ALPK1: variants seen among roughly 807,000 people sequenced by gnomAD.
The protein encoded by ALPK1 is alpha-protein kinase 1.
ALPK1 carries 110 observed loss-of-function variants against 120.6 expected under a neutral mutation model. The observed-to-expected ratio is 0.91, with a 90% confidence interval of 0.78 to 1.07. ALPK1 has a LOEUF of 1.07. Ranked by LOEUF, ALPK1 falls within the 50% of genes least tolerant of loss-of-function variation. ALPK1 has a pLI of 0.00. For missense variants in ALPK1, 1,498 were observed against 1,483.9 expected (o/e 1.01, Z -0.16); for synonymous variants, 582 against 560.3 (o/e 1.04, Z -0.55).
At chr4:112,403,502 C>A (rs1172477683) in intron 4 of ALPK1, among the ~76,000 whole-genome samples, 1 of 152,130 alleles carries the variant, frequency 6.6e-6, no homozygotes, top group Non-Finnish European at 1.5e-5. Context: ...GAGAGAGATG[C>A]GAGAGGTTTG....
intron 4 of ALPK1, among the ~76,000 whole-genome samples, chr4:112,396,860 C>G (rs1430356784): frequency 6.6e-6 from 1 of 152,094 alleles, no homozygotes; most frequent in Non-Finnish European, 1.5e-5. Context: ...TCACTGCAAC[C>G]TCCATCTCCT....
In ALPK1 at chr4:112,431,518, T is replaced by C; in HGVS notation, c.1971T>C (p.Asn657=). ...DLSLQEPNND[N]LEPSQNQPQQ... is the part of the protein sequence containing the mutation. ...CTCTTCAGGAACCCAACAATGACAATTTGGAGCCTTCTCAAAATCAGCCAC... is the reference window on the plus strand; with the variant it reads ...CTCTTCAGGAACCCAACAATGACAACTTGGAGCCTTCTCAAAATCAGCCAC... The change falls in exon 11 of 16, where the codon AAT becomes AAC. Residue 657 remains asparagine (N), a synonymous_variant. Transcript: ENST00000650871. 1 of 1,614,182 alleles carries C rather than the reference T, an allele frequency of 6.2e-7. No individual in the cohort carries two copies. Among genetic ancestry groups the C allele is most frequent in the Non-Finnish European group, 8.5e-7 (1 of 1,180,040 alleles).
intron 2 of ALPK1, among the ~76,000 whole-genome samples, chr4:112,370,442 A>G (rs1290935392): frequency 1.3e-5 from 2 of 152,202 alleles, no homozygotes; most frequent in Non-Finnish European, 2.9e-5. Context: ...TTAAAAGAGA[A>G]AAAGTAATTC....
chr4:112,382,776 C>T (rs1170736201), intron 4 of ALPK1: 4 of 562,274 alleles, frequency 7.1e-6, no homozygotes, highest in Non-Finnish European at 1.3e-5. Context: ...GAAGAGTGGT[C>T]AGTGAGTCTA....
rs1159828137 is a variant in ALPK1 at position 112,435,169 on chromosome 4, C to CA, written c.3063dup (p.Ser1022IlefsTer2). On this transcript the variant is annotated frameshift_variant, in exon 12 of 16. Coordinates refer to ENST00000650871, the MANE Select transcript of ALPK1 (RefSeq NM_025144.4). LOFTEE classifies it high-confidence loss of function. ...CCAGGTGCTCTTTTGTTAAAATATT[C>CA]AAAAAAATCTGAACTGTGGACGGCC... 7 of 1,598,538 alleles carry CA rather than the reference C, an allele frequency of 4.4e-6. No homozygotes were observed. The highest frequency in any genetic ancestry group is 1.4e-5 in the African/African-American group (1 of 73,454).
intron 5 of ALPK1, 111 bp downstream of exon 5, chr4:112,412,136 C>G: frequency 7.4e-7 from 1 of 1,350,178 alleles, no homozygotes; most frequent in Non-Finnish European, 1.0e-6. Flanking sequence ...CCCTGCGTGC[C>G]ATCTTTCCGA....
intron 5 of ALPK1, 70 bp from the exon 6 acceptor site, chr4:112,423,874 C>T: frequency 6.7e-7 from 1 of 1,487,676 alleles, no homozygotes; most frequent in Non-Finnish European, 9.4e-7. Context: ...AGTCTTAGAA[C>T]ATGAACAACT....
intron 2 of ALPK1, among the ~76,000 whole-genome samples, chr4:112,330,703 T>C (rs1729331506): frequency 6.6e-6 from 1 of 152,202 alleles, no homozygotes; most frequent in Non-Finnish European, 1.5e-5. Context: ...GCCTTATGTC[T>C]TCCAGCCGGC....
intron 2 of ALPK1, among the ~76,000 whole-genome samples, chr4:112,354,228 G>A (rs957476422): frequency 3.3e-5 from 5 of 150,760 alleles, no homozygotes; most frequent in South Asian, 4.2e-4. Flanking sequence ...TTTCCCTTAC[G>A]ATTTGCTTGT....
At chr4:112,427,295 G>GTA (rs1244966850) in intron 8 of ALPK1, among the ~76,000 whole-genome samples, 2 of 152,064 alleles carry the variant, frequency 1.3e-5, no homozygotes, top group African/African-American at 2.4e-5. Flanking sequence ...ATTACACAAT[G>GTA]TATATATATG....
At chr4:112,407,232 GCAA>G (rs1733223670) in intron 4 of ALPK1, among the ~76,000 whole-genome samples, 1 of 152,146 alleles carries the variant, frequency 6.6e-6, no homozygotes, top group African/African-American at 2.4e-5. Flanking sequence ...GATCTGTTTT[GCAA>G]CAACATGAAC....
chr4:112,414,345 G>A (rs893195653), intron 5 of ALPK1: 4 of 474,126 alleles, frequency 8.4e-6, no homozygotes, highest in African/African-American at 2.0e-5. Context: ...TATGGCTCAT[G>A]CCTGTAATCC....
At chr4:112,376,822 C>A (rs953822113) in intron 2 of ALPK1, among the ~76,000 whole-genome samples, 4 of 152,134 alleles carry the variant, frequency 2.6e-5, no homozygotes, top group Non-Finnish European at 5.9e-5. Context: ...AGCAGCTCCA[C>A]TATCTATTCT....
chr4:112,388,614 A>G (rs1732256712), intron 4 of ALPK1, among the ~76,000 whole-genome samples: 1 of 142,128 alleles, frequency 7.0e-6, no homozygotes, highest in Non-Finnish European at 1.5e-5. Flanking sequence ...AATCTTTTTC[A>G]TCAAGTTGCA....
At chr4:112,403,396 A>AT (rs1285205051) in intron 4 of ALPK1, among the ~76,000 whole-genome samples, 1 of 152,228 alleles carries the variant, frequency 6.6e-6, no homozygotes, top group East Asian at 1.9e-4. Context: ...AGTTCACAGC[A>AT]TGCTGCCGTT....
At chr4:112,398,818 C>T (rs967026046) in intron 4 of ALPK1, among the ~76,000 whole-genome samples, 5 of 151,988 alleles carry the variant, frequency 3.3e-5, no homozygotes, top group African/African-American at 4.8e-5. Flanking sequence ...AGATCTTACA[C>T]GTATTTTAGA....
At chr4:112,415,634 CA>C (rs35692183) in intron 5 of ALPK1, among the ~76,000 whole-genome samples, 301 of 126,214 alleles carry the variant, frequency 2.4e-3, no homozygotes, top group Middle Eastern at 4.0e-3. Context: ...GACTCTGTCT[CA>C]AAAAAAAAAA....
intron 2 of ALPK1, among the ~76,000 whole-genome samples, chr4:112,365,155 C>T (rs1310560308): frequency 2.0e-5 from 3 of 152,066 alleles, no homozygotes; most frequent in East Asian, 1.9e-4. Context: ...AAGACAAAGA[C>T]GCCCACTTTC....
At chr4:112,309,325 AGCTAT>A (rs975717508) in intron 1 of ALPK1, among the ~76,000 whole-genome samples, 1 of 152,126 alleles carries the variant, frequency 6.6e-6, no homozygotes, top group Non-Finnish European at 1.5e-5. Flanking sequence ...CCTTTTGTTC[AGCTAT>A]GCCCTGCCCC....
Sources: allele counts gnomAD v4.1 joint callset (sites outside exome capture counted in the v4.1 genomes callset), GRCh38; gene constraint gnomAD v4.1.1; transcripts MANE v1.5; gene names NCBI Gene and HGNC (gene_info 2026-07-23, HGNC 2026-07-21).